The following ZFHX3 variants were observed in gnomAD, a reference collection of about 807,000 sequenced individuals.
The protein encoded by ZFHX3 is zinc finger homeobox protein 3.
A neutral mutation model predicts 279.1 loss-of-function variants in ZFHX3; 42 were observed. The observed-to-expected ratio is 0.15, with a 90% CI of 0.12 to 0.19. The LOEUF (loss-of-function observed/expected upper bound fraction) is 0.19, where lower values mean the gene tolerates loss of function less well. ZFHX3 is among the 10% of genes least tolerant of loss of function. ZFHX3 has a pLI of 1.00. For synonymous variants in ZFHX3, 2,293 were observed against 1,957.8 expected, an observed-to-expected ratio of 1.17 and a Z score of -4.52; for missense variants, 4,981 against 4,754.0, an observed-to-expected ratio of 1.05 and a Z score of -1.40.
intron 1 of ZFHX3, among the ~76,000 whole-genome samples, chr16:73,856,033 C>T (rs1219563744): frequency 2.0e-5 from 3 of 152,178 alleles, no homozygotes; most frequent in African/African-American, 7.2e-5. Flanking sequence ...AAAATCAGGT[C>T]ATAAACATGT....
chr16:73,479,885 G>C (rs2018833750), intron 2 of ZFHX3, among the ~76,000 whole-genome samples: 6 of 152,166 alleles, frequency 3.9e-5, no homozygotes, highest in Admixed American at 3.3e-4. Context: ...TTGAGGGTGA[G>C]AGGACATGCC....
chr16:73,586,847 A>G (rs2051932303), intron 2 of ZFHX3, among the ~76,000 whole-genome samples: 1 of 152,206 alleles, frequency 6.6e-6, no homozygotes, highest in Non-Finnish European at 1.5e-5. Flanking sequence ...GAGGTTAGTG[A>G]AATTCATATC....
At chr16:73,313,542 G>C (rs1326903215) in intron 4 of ZFHX3, among the ~76,000 whole-genome samples, 1 of 152,110 alleles carries the variant, frequency 6.6e-6, no homozygotes, top group African/African-American at 2.4e-5. Context: ...ATGTAGACTC[G>C]AGGAGGTTGA....
At position 72,959,260 on chromosome 16, in the gene ZFHX3, A is replaced by G. The variant is rs200949296; in HGVS notation, c.886T>C (p.Ser296Pro). Residue 296 changes from serine (S) to proline (P), a missense_variant, in exon 2 of 10, where the codon TCG (serine) becomes CCG (proline). Around this residue, in one of 7 missense-constraint regions of ZFHX3, gnomAD observed 1,068 missense variants for 935.2 expected, o/e 1.14. Transcript: ENST00000268489. ...TCATGCACCGCGTGGGTCACAAACG[A>G]ACGGACGTACCCAAAGGAGAGTTTG... ...LCKLSFGYVR[S>P]FVTHAVHDHR... 1.0e-4 allele frequency: 163 copies of G among 1,614,066 alleles called. No homozygotes were observed. The highest frequency in any genetic ancestry group is 1.0e-4 in the Non-Finnish European group (122 of 1,180,040).
chr16:73,025,209 C>T (rs889816438), intron 1 of ZFHX3, among the ~76,000 whole-genome samples: 2 of 152,108 alleles, frequency 1.3e-5, no homozygotes, highest in Non-Finnish European at 2.9e-5. Flanking sequence ...TAAACAGGAA[C>T]GTTCCCCTCC....
chr16:73,545,941 A>G (rs924603660), intron 2 of ZFHX3, among the ~76,000 whole-genome samples: 12 of 152,218 alleles, frequency 7.9e-5, no homozygotes, highest in African/African-American at 2.9e-4. Context: ...GGCACAGCTC[A>G]GCCTAAACAA....
intron 1 of ZFHX3, among the ~76,000 whole-genome samples, chr16:73,764,595 T>A (rs573568519): frequency 6.6e-6 from 1 of 152,290 alleles, no homozygotes; most frequent in African/African-American, 2.4e-5. Flanking sequence ...CAAAAGGGAA[T>A]GATCCCTGGC....
intron 1 of ZFHX3, among the ~76,000 whole-genome samples, chr16:73,867,299 G>A (rs920541050): frequency 2.0e-5 from 3 of 152,150 alleles, no homozygotes; most frequent in African/African-American, 7.2e-5. Flanking sequence ...CACAGATGAG[G>A]AAACTGGGTC....
chr16:73,283,148 A>G (rs2014499952), intron 4 of ZFHX3, among the ~76,000 whole-genome samples: 1 of 152,246 alleles, frequency 6.6e-6, no homozygotes. Context: ...GCCACAGACA[A>G]TAGGTAAACT....
At position 73,093,350 on chromosome 16, in the gene ZFHX3, A is replaced by G. The variant is rs141013149; in HGVS notation, c.-648T>C. On this transcript the variant is annotated 5_prime_UTR_variant, in exon 8 of 18. Coordinates refer to the ZFHX3 transcript ENST00000641206. The stretch of plus-strand genomic sequence containing the variant: ...GCCAGAAGTGTGCCCAGGCCAACAG[A>G]CGTCTGAAAGCCACAGGGGACGACC... 15 of 409,336 alleles carry G rather than the reference A, an allele frequency of 3.7e-5. No homozygotes were observed. In the East Asian group the frequency reaches 9.7e-4, roughly 27 times the overall value. 25.4% of individuals were successfully genotyped at this position (409,336 alleles called of 1,614,324 possible).
intron 3 of ZFHX3, chr16:73,401,851 A>T (rs2017262614): frequency 6.6e-6 from 1 of 152,218 alleles, no homozygotes; most frequent in South Asian, 2.1e-4. Context: ...GGAGGCTTAC[A>T]CATAGAGAGC....
At chr16:72,947,909 T>C (rs1960778955) in intron 3 of ZFHX3, among the ~76,000 whole-genome samples, 1 of 152,186 alleles carries the variant, frequency 6.6e-6, no homozygotes, top group Non-Finnish European at 1.5e-5. Context: ...GCAATCAATC[T>C]CCATTTACTA....
intron 5 of ZFHX3, among the ~76,000 whole-genome samples, chr16:73,223,699 T>C (rs1406970149): frequency 4.6e-5 from 7 of 152,186 alleles, no homozygotes; most frequent in South Asian, 2.1e-4. Flanking sequence ...CTATTCTCCT[T>C]AGTATTTACC....
At chr16:73,711,455 A>G (rs1873725) in intron 1 of ZFHX3, among the ~76,000 whole-genome samples, 132,805 of 152,202 alleles carry the variant, frequency 0.87, 58,456 homozygotes, top group Non-Finnish European at 0.93. Context: ...GAGAGACTTT[A>G]TAAATGCAAA....
At chr16:73,029,736 A>T (rs1238439112) in intron 1 of ZFHX3, among the ~76,000 whole-genome samples, 1 of 152,198 alleles carries the variant, frequency 6.6e-6, no homozygotes, top group Non-Finnish European at 1.5e-5. Flanking sequence ...TCCTGCGTGG[A>T]CATCTTTAGG....
intron 5 of ZFHX3, among the ~76,000 whole-genome samples, chr16:73,164,569 A>G (rs1350837271): frequency 1.3e-5 from 2 of 152,122 alleles, no homozygotes; most frequent in Non-Finnish European, 2.9e-5. Context: ...GCGCAGTGGC[A>G]TATGCCTGTA....
intron 5 of ZFHX3, among the ~76,000 whole-genome samples, chr16:72,822,454 C>T (rs746734934): frequency 2.6e-4 from 39 of 152,110 alleles, no homozygotes; most frequent in African/African-American, 1.4e-4. Flanking sequence ...GGCTGCAAAA[C>T]GAAGGTAGCA....
At chr16:73,236,325 C>A (rs1312692813) in intron 5 of ZFHX3, among the ~76,000 whole-genome samples, 2 of 152,180 alleles carry the variant, frequency 1.3e-5, no homozygotes, top group Admixed American at 1.3e-4. Flanking sequence ...TGGCTGGGCG[C>A]AGTGGCTCAC....
intron 2 of ZFHX3, among the ~76,000 whole-genome samples, chr16:72,956,665 G>A (rs1961264818): frequency 1.3e-5 from 2 of 152,230 alleles, no homozygotes; most frequent in South Asian, 2.1e-4. Context: ...CGAAGGCTCC[G>A]CTAACCAGGA....
Sources: allele counts gnomAD v4.1 joint callset (sites outside exome capture counted in the v4.1 genomes callset), GRCh38; gene constraint gnomAD v4.1.1; regional missense constraint gnomAD v4.1.1; transcripts MANE v1.5; gene names NCBI Gene and HGNC (gene_info 2026-07-23, HGNC 2026-07-21).